Variants in TOX observed in about 807,000 individuals in gnomAD.
The protein encoded by TOX is thymocyte selection associated high mobility group box, also known as thymocyte selection-associated high mobility group box protein TOX.
A neutral mutation model predicts 53.7 loss-of-function variants in TOX; 11 were observed. The observed-to-expected ratio is 0.20, with a 90% confidence interval of 0.13 to 0.34. The LOEUF (loss-of-function observed/expected upper bound fraction) is 0.34, where lower values mean the gene tolerates loss of function less well. Ranked by LOEUF, TOX falls within the 10% of genes least tolerant of loss-of-function variation. TOX has a pLI of 1.00. For missense variants in TOX, 570 were observed against 664.6 expected (o/e 0.86, Z 1.56); for synonymous variants, 225 against 245.3 (o/e 0.92, Z 0.77).
chr8:59,046,593 C>T (rs901564264), intron 1 of TOX, among the ~76,000 whole-genome samples: 16 of 152,084 alleles, frequency 1.1e-4, no homozygotes, highest in Non-Finnish European at 2.2e-4. Flanking sequence ...GGTGGTGGCT[C>T]ATGCCTATAA....
At chr8:58,822,083 C>T (rs1414924132) in intron 6 of TOX, among the ~76,000 whole-genome samples, 1 of 152,194 alleles carries the variant, frequency 6.6e-6, no homozygotes, top group Non-Finnish European at 1.5e-5. Context: ...ACATTTGCTT[C>T]TGCTTTTAAG....
intron 3 of TOX, among the ~76,000 whole-genome samples, chr8:58,909,309 T>C (rs1376912262): frequency 2.6e-5 from 4 of 152,150 alleles, no homozygotes; most frequent in African/African-American, 4.8e-5. Context: ...CAGTTACCTA[T>C]GTAACAGGCC....
intron 1 of TOX, among the ~76,000 whole-genome samples, chr8:59,062,957 CTG>C (rs1307983613): frequency 6.6e-6 from 1 of 152,102 alleles, no homozygotes; most frequent in African/African-American, 2.4e-5. Flanking sequence ...GGAGGTAAAA[CTG>C]TAAGAATCTT....
In TOX at chr8:58,930,193, T is replaced by C. The variant is rs111648718; in HGVS notation, c.411+9109A>G. ...TCATTTTAGAAGACTAAACAACTGC[T>C]TAGAAGTGTCAGCCCAAAAAGCAAT... On this transcript the variant is annotated intron_variant, in intron 3 of 8. Transcript: ENST00000361421. 3.1e-3 allele frequency among the ~76,000 whole-genome samples: 473 copies of C among 152,346 alleles called. 3 individuals are homozygous for C. The highest frequency in any genetic ancestry group is 0.011 in the African/African-American group (450 of 41,580).
intron 4 of TOX, among the ~76,000 whole-genome samples, chr8:58,848,314 GA>G (rs963278146): frequency 1.1e-4 from 17 of 150,914 alleles, no homozygotes; most frequent in Non-Finnish European, 2.1e-4. Context: ...AGAAGATGAG[GA>G]AAAAAAAGAA....
intron 3 of TOX, among the ~76,000 whole-genome samples, chr8:58,882,254 C>T (rs1811395602): frequency 6.6e-6 from 1 of 152,224 alleles, no homozygotes; most frequent in Non-Finnish European, 1.5e-5. Context: ...AACATCCTAA[C>T]ATATACTCCT....
Position 59,118,637 on chromosome 8 carries a change from C to T in TOX, c.102+249G>A, listed in dbSNP as rs867533565. Among the ~76,000 whole-genome samples, 1 of 152,184 alleles carries T rather than the reference C, an allele frequency of 6.6e-6. No individual in the cohort carries two copies. Among genetic ancestry groups the T allele is most frequent in the South Asian group, 2.1e-4 (1 of 4,830 alleles). On this transcript the variant is annotated intron_variant, in intron 1 of 8. Coordinates refer to ENST00000361421, the MANE Select transcript of TOX (RefSeq NM_014729.3). The surrounding 1 kb of genome is among the most constrained non-coding windows in gnomAD (Gnocchi z 4.1). ...GCAAACCTAGGCAGGGATCCTTAGCCGCGAACAGCAGGAAGGAAAGAATCC... is the reference window on the plus strand; with the variant it reads ...GCAAACCTAGGCAGGGATCCTTAGCTGCGAACAGCAGGAAGGAAAGAATCC...
Position 58,853,111 on chromosome 8 carries a change from C to T in TOX, c.412-1306G>A, listed in dbSNP as rs116400090. Among the ~76,000 whole-genome samples the T allele has an allele frequency of 3.9e-3, 597 of 152,202 alleles. 5 individuals are homozygous for T. Among genetic ancestry groups the T allele is most frequent in the African/African-American group, 0.014 (566 of 41,526 alleles). On this transcript the variant is annotated intron_variant, in intron 3 of 8. Transcript: ENST00000361421. Reference sequence around the variant, plus strand: ...CCCATGTGTGCCCTGTGTTCTTCTCCGGAACGCATTTACTGCCTCCACCAT... The same window carrying T: ...CCCATGTGTGCCCTGTGTTCTTCTCTGGAACGCATTTACTGCCTCCACCAT...
At chr8:59,030,394 T>A (rs1814332673) in intron 1 of TOX, among the ~76,000 whole-genome samples, 1 of 152,208 alleles carries the variant, frequency 6.6e-6, no homozygotes, top group East Asian at 1.9e-4. Context: ...AAAGTAATGG[T>A]AGTAAGTTGT....
chr8:58,872,195 C>T (rs747747859), intron 3 of TOX, among the ~76,000 whole-genome samples: 5 of 152,016 alleles, frequency 3.3e-5, no homozygotes, highest in Admixed American at 1.3e-4. Context: ...TTGGCCAATG[C>T]TAGAACAATT....
chr8:59,018,680 A>C (rs1447960850), intron 1 of TOX, among the ~76,000 whole-genome samples: 1 of 152,100 alleles, frequency 6.6e-6, no homozygotes, highest in Non-Finnish European at 1.5e-5. Flanking sequence ...CAGAACCAAC[A>C]CTGGCTTGAG....
intron 3 of TOX, among the ~76,000 whole-genome samples, chr8:58,881,099 T>G (rs1811376636): frequency 6.6e-6 from 1 of 151,972 alleles, no homozygotes; most frequent in Non-Finnish European, 1.5e-5. Context: ...CTATAAAGAT[T>G]CAGAATGTGG....
rs199554955 is a variant in TOX, at chr8:58,909,648, TTC to T, written c.411+29652_411+29653del. Among the ~76,000 whole-genome samples the T allele has an allele frequency of 2.6e-5, 4 of 151,610 alleles. No individual in the cohort carries two copies. The East Asian group carries it at 5.8e-4, about 22-fold the overall frequency. Reference sequence around the variant, plus strand: ...GAGAAGCACTGAATATGTCTCTTAATTCTCTCTCTCTCTTTTTTTTTTTTTTT... The same window carrying T: ...GAGAAGCACTGAATATGTCTCTTAATTCTCTCTCTCTTTTTTTTTTTTTTT... On this transcript the variant is annotated intron_variant, in intron 3 of 8. Transcript: ENST00000361421.
At chr8:58,890,395 A>G (rs1288025448) in intron 3 of TOX, among the ~76,000 whole-genome samples, 1 of 152,230 alleles carries the variant, frequency 6.6e-6, no homozygotes, top group Non-Finnish European at 1.5e-5. Context: ...GTAGAATGTT[A>G]GAAAGCAGAA....
At chr8:58,960,157 C>A in intron 1 of TOX, 149 bp from the exon 2 acceptor site, 1 of 790,414 alleles carries the variant, frequency 1.3e-6, no homozygotes. Context: ...TCTGTCACAG[C>A]AAGCGAGCCA....
chr8:58,998,806 A>C (rs1481013028), intron 1 of TOX, among the ~76,000 whole-genome samples: 3 of 151,808 alleles, frequency 2.0e-5, no homozygotes, highest in Non-Finnish European at 4.4e-5. Context: ...TCCTATTTTG[A>C]GTATGAAAGT....
At chr8:59,116,070 T>C (rs1011246200) in intron 1 of TOX, among the ~76,000 whole-genome samples, 3 of 152,190 alleles carry the variant, frequency 2.0e-5, no homozygotes, top group Non-Finnish European at 2.9e-5. Context: ...GAGTCTCTTC[T>C]GACATTGAAA....
intron 3 of TOX, among the ~76,000 whole-genome samples, chr8:58,855,698 T>C (rs1810902151): frequency 6.6e-6 from 1 of 152,192 alleles, no homozygotes; most frequent in Non-Finnish European, 1.5e-5. Flanking sequence ...TCCAATGACA[T>C]CTGTCCCCCA....
chr8:59,077,204 A>G (rs1190051700), intron 1 of TOX, among the ~76,000 whole-genome samples: 1 of 152,140 alleles, frequency 6.6e-6, no homozygotes, highest in African/African-American at 2.4e-5. Flanking sequence ...CTCAGTCACA[A>G]ATGTTTCCCC....
Sources: allele counts gnomAD v4.1 joint callset (sites outside exome capture counted in the v4.1 genomes callset), GRCh38; gene constraint gnomAD v4.1.1; non-coding constraint Gnocchi (gnomAD v3.1); transcripts MANE v1.5; gene names NCBI Gene and HGNC (gene_info 2026-07-23, HGNC 2026-07-21).